Variants in ARHGEF7 observed in about 807,000 individuals in gnomAD.
The protein encoded by ARHGEF7 is PAK-interacting exchange factor beta.
In ARHGEF7, 33 loss-of-function variants were observed where a neutral mutation model predicts 109.8. The observed-to-expected ratio is 0.30, with a 90% CI of 0.23 to 0.40. The LOEUF (loss-of-function observed/expected upper bound fraction) is 0.40. ARHGEF7 is among the 10% of genes least tolerant of loss of function. ARHGEF7 has a pLI of 1.00. For synonymous variants in ARHGEF7, 458 were observed against 424.6 expected, an observed-to-expected ratio of 1.08 and a Z score of -0.97; for missense variants, 938 against 1,098.5, an observed-to-expected ratio of 0.85 and a Z score of 2.07.
intron 13 of ARHGEF7, among the ~76,000 whole-genome samples, chr13:111,279,621 T>C (rs1476839125): frequency 6.6e-6 from 1 of 152,264 alleles, no homozygotes; most frequent in African/African-American, 2.4e-5. Flanking sequence ...CAGGATGTTT[T>C]GTGTTCACTT....
chr13:111,206,817 C>T (rs963759524), intron 3 of ARHGEF7, among the ~76,000 whole-genome samples: 1 of 151,748 alleles, frequency 6.6e-6, no homozygotes, highest in African/African-American at 2.4e-5. Flanking sequence ...AAAAAATTAG[C>T]CAGGCGTGGT....
At chr13:111,152,385 AT>A (rs1436938587) in intron 1 of ARHGEF7, among the ~76,000 whole-genome samples, 3 of 152,344 alleles carry the variant, frequency 2.0e-5, no homozygotes, top group Non-Finnish European at 4.4e-5. Context: ...ATATGTGATA[AT>A]TTTTGAAAAT....
intron 2 of ARHGEF7, chr13:111,158,923 G>T (rs895361026): frequency 4.7e-6 from 3 of 644,678 alleles, no homozygotes; most frequent in Admixed American, 2.6e-5. Flanking sequence ...TTAAATTATT[G>T]TTAACTGTAG....
intron 2 of ARHGEF7, among the ~76,000 whole-genome samples, chr13:111,174,502 T>C (rs2077927327): frequency 1.3e-5 from 2 of 152,220 alleles, no homozygotes; most frequent in African/African-American, 4.8e-5. Flanking sequence ...TTCCTTCACC[T>C]TTCTCGCAGT....
At position 111,221,533 on chromosome 13, in the gene ARHGEF7, C is replaced by CTATATATAGATACATATCTATATATCTA. The variant is rs1325867549; in HGVS notation, c.670+3679_670+3706dup. Among the ~76,000 whole-genome samples the CTATATATAGATACATATCTATATATCTA allele has an allele frequency of 3.5e-3, 117 of 33,806 alleles. 6 individuals are homozygous for CTATATATAGATACATATCTATATATCTA. Among genetic ancestry groups the CTATATATAGATACATATCTATATATCTA allele is most frequent in the African/African-American group, 0.011 (112 of 10,322 alleles). 22.2% of individuals were successfully genotyped at this position (33,806 alleles called of 152,430 possible). A position where few individuals can be genotyped will look rare whatever the true frequency, so the allele number is the denominator to read the frequency against. On this transcript the variant is annotated intron_variant, in intron 5 of 21. Coordinates refer to ENST00000646102, the MANE Select transcript of ARHGEF7 (RefSeq NM_001354046.2). ...TATATAGATATATATCTATATATAT[C>CTATATATAGATACATATCTATATATCTA]TATATATAGATACATATCTATATAT...
intron 2 of ARHGEF7, among the ~76,000 whole-genome samples, chr13:111,190,494 A>G (rs1351805329): frequency 2.0e-5 from 3 of 152,114 alleles, no homozygotes; most frequent in Non-Finnish European, 4.4e-5. Context: ...CAAAGAGTCT[A>G]TTTGGGATTG....
intron 6 of ARHGEF7, among the ~76,000 whole-genome samples, chr13:111,236,224 C>G (rs551908520): frequency 2.0e-5 from 3 of 152,244 alleles, no homozygotes; most frequent in Non-Finnish European, 4.4e-5. Context: ...TGTCTTCATA[C>G]TGTCCTTTAA....
At chr13:111,120,332 C>T (rs371824363) in intron 1 of ARHGEF7, among the ~76,000 whole-genome samples, 1 of 152,354 alleles carries the variant, frequency 6.6e-6, no homozygotes, top group African/African-American at 2.4e-5. Context: ...GTTGGCATCA[C>T]ACAGACACAG....
Position 111,115,339 on chromosome 13 carries a change from G to A in ARHGEF7, c.-188G>A, listed in dbSNP as rs1485499422. 4 of 221,522 alleles carry A rather than the reference G, an allele frequency of 1.8e-5. No homozygotes were observed. Among genetic ancestry groups the A allele is most frequent in the South Asian group, 1.5e-4 (1 of 6,650 alleles). 13.7% of individuals were successfully genotyped at this position (221,522 alleles called of 1,614,324 possible). A position where few individuals can be genotyped will look rare whatever the true frequency, so the allele number is the denominator to read the frequency against. Reference sequence around the variant, plus strand: ...GTTCCCGAGCCGCTCCTGAGAAGGCGCCTGACAGCGGGCCGGGGCGCACGG... The same window carrying A: ...GTTCCCGAGCCGCTCCTGAGAAGGCACCTGACAGCGGGCCGGGGCGCACGG... On this transcript the variant is annotated 5_prime_UTR_variant, in exon 1 of 22. Coordinates refer to ENST00000646102, the MANE Select transcript of ARHGEF7 (RefSeq NM_001354046.2).
chr13:111,128,166 C>T (rs1031774372), intron 1 of ARHGEF7, among the ~76,000 whole-genome samples: 1 of 152,238 alleles, frequency 6.6e-6, no homozygotes, highest in Admixed American at 6.5e-5. Context: ...GGGGTGTTCA[C>T]TCTTACCACT....
At position 111,126,377 on chromosome 13, in the gene ARHGEF7, C is replaced by T. The variant is rs548757013; in HGVS notation, c.165+10686C>T. Among the ~76,000 whole-genome samples, 5 of 151,934 alleles carry T rather than the reference C, an allele frequency of 3.3e-5. 1 individual carries two copies. The highest frequency in any genetic ancestry group is 1.2e-4 in the African/African-American group (5 of 41,428). Reference sequence around the variant, plus strand: ...TGATGGCGGGTGCCTGTAATCCCAGCTACTTGGGAGGCTGAGACGGGAGAA... The same window carrying T: ...TGATGGCGGGTGCCTGTAATCCCAGTTACTTGGGAGGCTGAGACGGGAGAA... On this transcript the variant is annotated intron_variant, in intron 1 of 21. Coordinates refer to ENST00000646102, the MANE Select transcript of ARHGEF7 (RefSeq NM_001354046.2).
rs1010242321 is a variant in ARHGEF7, at chr13:111,115,506, C to G, written c.-21C>G. On this transcript the variant is annotated 5_prime_UTR_variant, in exon 1 of 22. Coordinates refer to ENST00000646102, the MANE Select transcript of ARHGEF7 (RefSeq NM_001354046.2). Reference sequence around the variant, plus strand: ...AGGTGAAGGCGCGCGCCCCTCCCCGCCTGCCTCCCGGGCCGCAGCGATGAA... The same window carrying G: ...AGGTGAAGGCGCGCGCCCCTCCCCGGCTGCCTCCCGGGCCGCAGCGATGAA... 3.0e-5 allele frequency: 39 copies of G among 1,285,542 alleles called. No individual in the cohort carries two copies. The highest frequency in any genetic ancestry group is 3.6e-5 in the Non-Finnish European group (36 of 996,032). The allele number at this position is 1,285,542 out of a possible 1,614,324, so 79.6% of individuals were successfully genotyped here. A position where few individuals can be genotyped will look rare whatever the true frequency, so the allele number is the denominator to read the frequency against.
At chr13:111,260,495 C>T (rs1202819186) in intron 8 of ARHGEF7, among the ~76,000 whole-genome samples, 3 of 152,194 alleles carry the variant, frequency 2.0e-5, no homozygotes, top group Non-Finnish European at 4.4e-5. Context: ...ACCTTTTATC[C>T]TAGGATAGTA....
chr13:111,296,124 C>T (rs951332909), intron 19 of ARHGEF7, among the ~76,000 whole-genome samples: 7 of 152,084 alleles, frequency 4.6e-5, no homozygotes, highest in African/African-American at 7.2e-5. Context: ...CTCGGGGCCC[C>T]AGGGGTTGAT....
Position 111,155,028 on chromosome 13 carries a change from A to C in ARHGEF7, c.252+1037A>C, listed in dbSNP as rs113981857. ...CAATTAAAAAAAAACAATAAAAAAC[A>C]ACACAGTATAATGATTATTTACATA... On this transcript the variant is annotated intron_variant, in intron 2 of 21. Transcript: ENST00000646102. Among the ~76,000 whole-genome samples, 230 of 152,360 alleles carry C rather than the reference A, an allele frequency of 1.5e-3. 3 individuals are homozygous for C. In the East Asian group the frequency reaches 0.041, roughly 27 times the overall value.
intron 2 of ARHGEF7, among the ~76,000 whole-genome samples, chr13:111,173,846 G>A (rs1029104386): frequency 1.3e-5 from 2 of 152,200 alleles, no homozygotes; most frequent in East Asian, 1.9e-4. Context: ...GCGGGTGTCT[G>A]TAGAGGGATG....
In ARHGEF7 at chr13:111,187,983, T is replaced by G. The variant is rs71442809; in HGVS notation, c.253-17306T>G. On this transcript the variant is annotated intron_variant, in intron 2 of 21. Transcript: ENST00000646102. ...CCCTTCTGTAGTTGGAGCCTTGTTCTCTTTTCCTTGAGTACAGGTGGGGCT... is the reference window on the plus strand; with the variant it reads ...CCCTTCTGTAGTTGGAGCCTTGTTCGCTTTTCCTTGAGTACAGGTGGGGCT... Among the ~76,000 whole-genome samples, 251 of 152,354 alleles carry G rather than the reference T, an allele frequency of 1.6e-3. 1 individual carries two copies. Among genetic ancestry groups the G allele is most frequent in the Non-Finnish European group, 2.4e-3 (163 of 68,030 alleles).
rs568769617 is a variant in ARHGEF7, at chr13:111,234,535, CT to C, written c.759+1246del. Among the ~76,000 whole-genome samples, 350 of 152,258 alleles carry C rather than the reference CT, an allele frequency of 2.3e-3. 1 individual carries two copies. The highest frequency in any genetic ancestry group is 6.3e-3 in the African/African-American group (260 of 41,552). On this transcript the variant is annotated intron_variant, in intron 6 of 21. Transcript: ENST00000646102. ...CACTTGGGTACGGGAACACAATGGT[CT>C]TTTGTTGCCTCCATTTTTACTGCTT...
At chr13:111,251,171 G>A (rs1444523239) in intron 8 of ARHGEF7, among the ~76,000 whole-genome samples, 2 of 152,156 alleles carry the variant, frequency 1.3e-5, no homozygotes, top group Non-Finnish European at 2.9e-5. Context: ...GCATAGACTC[G>A]GGTATGACGG....
Sources: gnomAD v4.1 joint callset for allele counts (sites outside exome capture counted in the v4.1 genomes callset) on GRCh38, gnomAD v4.1.1 for gene constraint, MANE v1.5 for transcripts, NCBI Gene and HGNC (gene_info 2026-07-23, HGNC 2026-07-21) for gene names.